The following PTGES3 variants were observed in gnomAD, a reference collection of about 807,000 sequenced individuals.
PTGES3 encodes Hsp90 co-chaperone.
In PTGES3, 5 loss-of-function variants were observed where a neutral mutation model predicts 29.9. The observed-to-expected ratio is 0.17, with a 90% CI of 0.09 to 0.35. The LOEUF (loss-of-function observed/expected upper bound fraction) is 0.35, where lower values mean the gene tolerates loss of function less well. Ranked by LOEUF, PTGES3 falls within the 10% of genes least tolerant of loss-of-function variation. The probability of loss-of-function intolerance (pLI) is 1.00; values close to 1 mark genes in which losing one functional copy is unlikely to be tolerated. For synonymous variants in PTGES3, 49 were observed against 57.8 expected (o/e 0.85, Z 0.69); for missense variants, 128 against 190.0 (o/e 0.67, Z 1.92).
intron 5 of PTGES3, among the ~76,000 whole-genome samples, chr12:56,668,200 T>C (rs1182475502): frequency 6.6e-6 from 1 of 152,184 alleles, no homozygotes; most frequent in Non-Finnish European, 1.5e-5. Context: ...AAGGATTCAG[T>C]ATAAAAATTT....
At chr12:56,681,179 G>A (rs1952521048) in intron 1 of PTGES3, among the ~76,000 whole-genome samples, 1 of 152,050 alleles carries the variant, frequency 6.6e-6, no homozygotes, top group Non-Finnish European at 1.5e-5. Flanking sequence ...TCCTATTTCA[G>A]ACAGCCCCAA....
chr12:56,686,791 C>T, intron 1 of PTGES3: 1 of 398,216 alleles, frequency 2.5e-6, no homozygotes, highest in Non-Finnish European at 4.4e-6. Flanking sequence ...CTCGCTTCAG[C>T]CTCACGCATC....
chr12:56,668,070 T>G (rs1951853786), intron 5 of PTGES3, among the ~76,000 whole-genome samples: 1 of 152,170 alleles, frequency 6.6e-6, no homozygotes, highest in Non-Finnish European at 1.5e-5. Flanking sequence ...ATCGTGCCAT[T>G]GCACTACATC....
chr12:56,683,934 T>C (rs548760685), intron 1 of PTGES3, among the ~76,000 whole-genome samples: 3 of 134,356 alleles, frequency 2.2e-5, no homozygotes, highest in Admixed American at 8.9e-5. Flanking sequence ...CACTCCAGCC[T>C]GGGCGACAGC....
chr12:56,668,066 C>A (rs1951853718), intron 5 of PTGES3, among the ~76,000 whole-genome samples: 1 of 152,168 alleles, frequency 6.6e-6, no homozygotes, highest in South Asian at 2.1e-4. Flanking sequence ...CAAGATCGTG[C>A]CATTGCACTA....
Position 56,688,082 on chromosome 12 carries a change from G to A in PTGES3, c.-83C>T. ...CTGCTAGGGAGTCGACTTCTCTCCG[G>A]TGGCGACTCCGCTTTTTCTCTCCGG... On this transcript the variant is annotated 5_prime_UTR_variant, in exon 1 of 8. Transcript: ENST00000262033. The A allele has an allele frequency of 6.9e-7, 1 of 1,444,340 alleles. No individual in the cohort carries two copies. Among genetic ancestry groups the A allele is most frequent in the East Asian group, 2.7e-5 (1 of 36,410 alleles). The allele number at this position is 1,444,340 out of a possible 1,614,324, so 89.5% of individuals were successfully genotyped here.
At position 56,663,731 on chromosome 12, in the gene PTGES3, A is replaced by C. The variant is rs1166632016; in HGVS notation, c.*748T>G. On this transcript the variant is annotated 3_prime_UTR_variant, in exon 8 of 8. Transcript: ENST00000262033. The stretch of plus-strand genomic sequence containing the variant: ...GAAATAAAAAATCCAATAGTGTATT[A>C]AACATTTTTCACTCATTTGCCATAC... The C allele has an allele frequency of 7.5e-6, 1 of 132,514 alleles. No homozygotes were observed. Among genetic ancestry groups the C allele is most frequent in the Non-Finnish European group, 1.7e-5 (1 of 59,402 alleles). 8.2% of individuals were successfully genotyped at this position (132,514 alleles called of 1,614,324 possible).
chr12:56,669,132 C>A lies in PTGES3; in HGVS notation c.375+1143G>T, dbSNP rs934350178. ...TCAAGCAATTCTCCTGCCTTAGCCT[C>A]CGGAGTAGCTGGGATTACAGGCGTG... On this transcript the variant is annotated intron_variant, in intron 5 of 7. Transcript: ENST00000262033. 5.3e-5 allele frequency among the ~76,000 whole-genome samples: 8 copies of A among 150,146 alleles called. No homozygotes were observed. In the South Asian group the frequency reaches 8.4e-4, roughly 16 times the overall value.
chr12:56,668,234 T>C (rs964327943), intron 5 of PTGES3, among the ~76,000 whole-genome samples: 2 of 152,198 alleles, frequency 1.3e-5, no homozygotes, highest in Admixed American at 6.5e-5. Flanking sequence ...TTGAATGAAA[T>C]GAGTAACTGG....
intron 1 of PTGES3, among the ~76,000 whole-genome samples, chr12:56,683,320 C>G (rs1486003553): frequency 6.7e-6 from 1 of 150,276 alleles, no homozygotes; most frequent in Non-Finnish European, 1.5e-5. Context: ...CCCATCTCTA[C>G]TAATTAGCCG....
chr12:56,668,616 T>C (rs1951874449), intron 5 of PTGES3, among the ~76,000 whole-genome samples: 1 of 152,084 alleles, frequency 6.6e-6, no homozygotes, highest in Non-Finnish European at 1.5e-5. Context: ...GAAAGTACAA[T>C]TAAAAAATAA....
intron 6 of PTGES3, chr12:56,665,147 C>G (rs1409722125): frequency 2.0e-6 from 2 of 985,118 alleles, no homozygotes; most frequent in African/African-American, 3.5e-5. Flanking sequence ...CTAATCCTAG[C>G]TGTTGAGTGA....
chr12:56,668,945 T>G (rs534036857), intron 5 of PTGES3, among the ~76,000 whole-genome samples: 22 of 151,684 alleles, frequency 1.5e-4, no homozygotes, highest in African/African-American at 5.3e-4. Flanking sequence ...GGTGACATCT[T>G]AGAAAACAGA....
intron 1 of PTGES3, among the ~76,000 whole-genome samples, chr12:56,686,194 T>C (rs1249632756): frequency 6.6e-6 from 1 of 152,182 alleles, no homozygotes; most frequent in African/African-American, 2.4e-5. Context: ...ATTTTAAACA[T>C]ACTTTTCGCG....
chr12:56,684,947 C>T (rs1184912063), intron 1 of PTGES3, among the ~76,000 whole-genome samples: 1 of 152,132 alleles, frequency 6.6e-6, no homozygotes, highest in African/African-American at 2.4e-5. Flanking sequence ...AAATCTCTCT[C>T]TCCCCAGAGC....
At chr12:56,666,863 G>A (rs779099952) in intron 5 of PTGES3, among the ~76,000 whole-genome samples, 1 of 152,204 alleles carries the variant, frequency 6.6e-6, no homozygotes, top group Non-Finnish European at 1.5e-5. Flanking sequence ...CTGGGCTGTA[G>A]TGATCCACCC....
intron 5 of PTGES3, among the ~76,000 whole-genome samples, chr12:56,669,006 A>ATTTTTT (rs1167378743): frequency 2.3e-4 from 15 of 64,574 alleles, no homozygotes; most frequent in South Asian, 1.3e-3. Flanking sequence ...TTTCACCATG[A>ATTTTTT]ATTTTTTTTT....
chr12:56,673,304 TAG>T (rs1952080718), intron 1 of PTGES3, among the ~76,000 whole-genome samples: 2 of 151,914 alleles, frequency 1.3e-5, no homozygotes, highest in Admixed American at 1.3e-4. Context: ...CAATGCTTAG[TAG>T]AGTTAGCCGT....
chr12:56,683,968 AAAAC>A (rs1298597794), intron 1 of PTGES3, among the ~76,000 whole-genome samples: 7 of 145,878 alleles, frequency 4.8e-5, no homozygotes, highest in African/African-American at 1.7e-4. Context: ...AAAAAAAAAA[AAAAC>A]AAAAAAAACA....
Sources: gnomAD v4.1 joint callset for allele counts (sites outside exome capture counted in the v4.1 genomes callset) on GRCh38, gnomAD v4.1.1 for gene constraint, MANE v1.5 for transcripts, NCBI Gene and HGNC (gene_info 2026-07-23, HGNC 2026-07-21) for gene names.